Variants in ENOX1 observed in about 807,000 individuals in gnomAD.
The protein encoded by ENOX1 is ecto-NOX disulfide-thiol exchanger 1, also known as candidate growth-related and time keeping constitutive hydroquinone (NADH) oxidase.
ENOX1 carries 42 observed loss-of-function variants against 82.5 expected under a neutral mutation model. That is an observed-to-expected ratio of 0.51 (90% confidence interval 0.40 to 0.66). The LOEUF (loss-of-function observed/expected upper bound fraction) is 0.66. Among genes scored for constraint, ENOX1 ranks in the 30% least tolerant of loss-of-function variants. The pLI is 0.00. For synonymous variants in ENOX1, 271 were observed against 282.2 expected, an observed-to-expected ratio of 0.96 and a Z score of 0.40; for missense variants, 608 against 811.6, an observed-to-expected ratio of 0.75 and a Z score of 3.05.
chr13:43,242,308 T>G (rs1247485384), intron 14 of ENOX1, among the ~76,000 whole-genome samples: 1 of 152,256 alleles, frequency 6.6e-6, no homozygotes, highest in Non-Finnish European at 1.5e-5. Flanking sequence ...TTCACTGGCT[T>G]TTTTGTTTCC....
At chr13:43,633,543 G>A (rs1416666581) in intron 2 of ENOX1, among the ~76,000 whole-genome samples, 3 of 151,990 alleles carry the variant, frequency 2.0e-5, no homozygotes, top group Non-Finnish European at 4.4e-5. Flanking sequence ...CCATACCAAG[G>A]AATGTTGTAG....
intron 1 of ENOX1, among the ~76,000 whole-genome samples, chr13:43,761,416 A>G (rs1216214453): frequency 6.6e-6 from 1 of 152,222 alleles, no homozygotes; most frequent in Non-Finnish European, 1.5e-5. Flanking sequence ...CTTCAGATAA[A>G]TGCAGTAACT....
chr13:43,597,567 C>G (rs2081525241), intron 2 of ENOX1, among the ~76,000 whole-genome samples: 2 of 152,216 alleles, frequency 1.3e-5, no homozygotes, highest in African/African-American at 4.8e-5. Flanking sequence ...AACCATCTCT[C>G]ACCTGGATTA....
intron 2 of ENOX1, among the ~76,000 whole-genome samples, chr13:43,581,626 G>A (rs545507190): frequency 5.3e-5 from 8 of 152,176 alleles, no homozygotes; most frequent in South Asian, 2.1e-4. Flanking sequence ...AAACATCAGC[G>A]GTTATTGATT....
chr13:43,301,056 T>C (rs546861662), intron 11 of ENOX1, among the ~76,000 whole-genome samples: 2 of 152,340 alleles, frequency 1.3e-5, no homozygotes, highest in African/African-American at 4.8e-5. Context: ...GATGTTGTAA[T>C]AGGGCAAAAT....
chr13:43,501,840 C>A, intron 2 of ENOX1, among the ~76,000 whole-genome samples: 1 of 143,546 alleles, frequency 7.0e-6, no homozygotes, highest in Non-Finnish European at 1.5e-5. Context: ...CTTTAAAGAA[C>A]TAGAAAAAGA....
chr13:43,710,470 G>A (rs989519424), intron 1 of ENOX1, among the ~76,000 whole-genome samples: 2 of 152,036 alleles, frequency 1.3e-5, no homozygotes, highest in Non-Finnish European at 2.9e-5. Flanking sequence ...TAAGGTAAAG[G>A]TTATATAGCA....
chr13:43,720,963 A>G (rs2088530170), intron 1 of ENOX1, among the ~76,000 whole-genome samples: 1 of 152,242 alleles, frequency 6.6e-6, no homozygotes, highest in African/African-American at 2.4e-5. Context: ...TGTTCTAAAT[A>G]GTAGTCAACC....
intron 1 of ENOX1, among the ~76,000 whole-genome samples, chr13:43,723,082 C>T (rs77465432): frequency 1.4e-4 from 22 of 152,336 alleles, no homozygotes; most frequent in Non-Finnish European, 1.2e-4. Flanking sequence ...ACACTAGGGG[C>T]TCTAGAGCTC....
At chr13:43,529,605 C>T (rs778346113) in intron 2 of ENOX1, among the ~76,000 whole-genome samples, 2 of 151,994 alleles carry the variant, frequency 1.3e-5, no homozygotes, top group Non-Finnish European at 2.9e-5. Flanking sequence ...TAAGTGCTTA[C>T]TTAAGATACA....
intron 1 of ENOX1, among the ~76,000 whole-genome samples, chr13:43,720,201 G>C (rs1023271462): frequency 3.3e-5 from 5 of 152,142 alleles, no homozygotes. Context: ...AGAAAGCAAT[G>C]ATCTTATTCA....
intron 1 of ENOX1, among the ~76,000 whole-genome samples, chr13:43,739,722 TAA>T (rs1237987124): frequency 1.3e-5 from 2 of 151,994 alleles, no homozygotes; most frequent in African/African-American, 4.8e-5. Context: ...AAGTGATGGA[TAA>T]AGTCTAAAGA....
chr13:43,344,964 C>G (rs2049292573), intron 8 of ENOX1, among the ~76,000 whole-genome samples: 1 of 152,184 alleles, frequency 6.6e-6, no homozygotes, highest in African/African-American at 2.4e-5. Context: ...AGGAGGTTCA[C>G]ACTCTCATCT....
chr13:43,277,008 C>T (rs1016344900), intron 12 of ENOX1, among the ~76,000 whole-genome samples: 1 of 152,100 alleles, frequency 6.6e-6, no homozygotes. Context: ...ACCCTGGTGC[C>T]CCCCTCCCTG....
At chr13:43,308,426 C>A (rs1044938766) in intron 11 of ENOX1, among the ~76,000 whole-genome samples, 3 of 152,154 alleles carry the variant, frequency 2.0e-5, no homozygotes, top group Admixed American at 6.5e-5. Context: ...TTCTTTCCCA[C>A]CTAATAGGTG....
chr13:43,397,346 G>T (rs960989064), intron 5 of ENOX1, among the ~76,000 whole-genome samples: 1 of 152,208 alleles, frequency 6.6e-6, no homozygotes, highest in African/African-American at 2.4e-5. Flanking sequence ...TTGAGTGATT[G>T]CACAGTTCAT....
At chr13:43,779,870 C>T (rs531170153) in intron 1 of ENOX1, among the ~76,000 whole-genome samples, 64 of 152,164 alleles carry the variant, frequency 4.2e-4, no homozygotes, top group African/African-American at 1.5e-3. Flanking sequence ...TAGGAATCTG[C>T]ATGAGGCCGG....
chr13:43,415,177 A>G (rs1041802515), intron 3 of ENOX1, among the ~76,000 whole-genome samples: 1 of 150,968 alleles, frequency 6.6e-6, no homozygotes, highest in African/African-American at 2.4e-5. Context: ...TTTATCCCCC[A>G]ATGAAACTCT....
intron 3 of ENOX1, among the ~76,000 whole-genome samples, chr13:43,425,778 C>G (rs2055261987): frequency 6.6e-6 from 1 of 152,156 alleles, no homozygotes; most frequent in Non-Finnish European, 1.5e-5. Context: ...TATGACAATT[C>G]TAATTATCAA....
Sources: gnomAD v4.1 joint callset for allele counts (sites outside exome capture counted in the v4.1 genomes callset) on GRCh38, gnomAD v4.1.1 for gene constraint, MANE v1.5 for transcripts, NCBI Gene and HGNC (gene_info 2026-07-23, HGNC 2026-07-21) for gene names.